ASTN1: variants seen among roughly 807,000 people sequenced by gnomAD.
ASTN1 encodes astrotactin 1, also known as astrotactin-1.
Under a neutral mutation model 140.7 loss-of-function variants are expected in ASTN1, and 41 were observed. The observed-to-expected ratio is 0.29, with a 90% confidence interval of 0.23 to 0.38. ASTN1 has a LOEUF of 0.38. Among genes scored for constraint, ASTN1 ranks in the 10% least tolerant of loss-of-function variants. ASTN1 has a pLI of 1.00. For synonymous variants in ASTN1, 640 were observed against 652.2 expected (o/e 0.98, Z 0.29); for missense variants, 1,479 against 1,678.8 (o/e 0.88, Z 2.08).
At chr1:177,121,085 T>A (rs912610343) in intron 1 of ASTN1, among the ~76,000 whole-genome samples, 2 of 149,802 alleles carry the variant, frequency 1.3e-5, no homozygotes, top group Admixed American at 1.3e-4. Flanking sequence ...TGGTGATACA[T>A]ATATATATAT....
chr1:176,958,130 T>G (rs1472320136), intron 10 of ASTN1, among the ~76,000 whole-genome samples: 1 of 152,160 alleles, frequency 6.6e-6, no homozygotes, highest in African/African-American at 2.4e-5. Context: ...AAACTCTAAT[T>G]TTATGTCTTC....
intron 16 of ASTN1, among the ~76,000 whole-genome samples, chr1:176,908,511 T>G (rs1670094797): frequency 6.6e-6 from 1 of 152,178 alleles, no homozygotes; most frequent in South Asian, 2.1e-4. Flanking sequence ...ACCCCTCAGC[T>G]GGCAAAGATG....
intron 8 of ASTN1, among the ~76,000 whole-genome samples, chr1:176,983,226 G>A (rs979608452): frequency 6.6e-5 from 10 of 152,130 alleles, no homozygotes; most frequent in Non-Finnish European, 1.5e-5. Flanking sequence ...GGATGAGGCT[G>A]GACAGGTTGG....
rs1177562680 is a variant in ASTN1, at chr1:176,949,332, G to C, written c.1907C>G (p.Pro636Arg). 1 of 1,613,838 alleles carries C rather than the reference G, an allele frequency of 6.2e-7. No homozygotes were observed. The highest frequency in any genetic ancestry group is 8.5e-7 in the Non-Finnish European group (1 of 1,180,006). Residue 636 changes from proline to arginine, a missense_variant, in exon 12 of 23, where the codon CCC becomes CGC. By Grantham distance (103) the Pro-to-Arg change is moderately radical. Around this residue, in one of 3 missense-constraint regions of ASTN1, gnomAD observed 729 missense variants for 860.4 expected, o/e 0.85. Transcript: ENST00000361833. The part of the protein sequence containing the change: ...TGCVCPSGLS[P>R]MKDSSGCYDR... ...ATAGCAGCCAGAGCTGTCCTTCATG[G>C]GACTGAGTCCAGATGGGCACTGGCA... is the stretch of plus-strand genomic sequence containing the variant.
Position 177,020,361 on chromosome 1 carries a change from C to A in ASTN1, c.1438+3043G>T, listed in dbSNP as rs146867597. ...AGCTATGTTGCCTTCTGGAGGCACC[C>A]GGGAGAATCTATTTTCTGTGTTCTT... On this transcript the variant is annotated intron_variant, in intron 7 of 22. Transcript: ENST00000361833. Among the ~76,000 whole-genome samples the A allele has an allele frequency of 2.7e-3, 405 of 152,252 alleles. 1 individual carries two copies. Among genetic ancestry groups the A allele is most frequent in the African/African-American group, 9.5e-3 (396 of 41,524 alleles).
intron 8 of ASTN1, among the ~76,000 whole-genome samples, chr1:176,977,679 T>C (rs1238964513): frequency 1.3e-5 from 2 of 152,234 alleles, no homozygotes; most frequent in South Asian, 4.1e-4. Flanking sequence ...TAAGACCCTC[T>C]GAGGCACAGC....
intron 1 of ASTN1, among the ~76,000 whole-genome samples, chr1:177,127,608 C>G (rs925098484): frequency 2.6e-5 from 4 of 152,196 alleles, no homozygotes; most frequent in African/African-American, 7.2e-5. Context: ...TGCTTCACCT[C>G]TGTCCTTCAA....
At chr1:176,951,243 A>T (rs1050986662) in intron 11 of ASTN1, among the ~76,000 whole-genome samples, 4 of 152,218 alleles carry the variant, frequency 2.6e-5, no homozygotes, top group Non-Finnish European at 4.4e-5. Flanking sequence ...GAGGCAGCTG[A>T]GGATTGCCCC....
At chr1:176,876,688 T>C (rs1391816814) in intron 20 of ASTN1, 51 bp from the exon 21 acceptor site, 2 of 1,568,858 alleles carry the variant, frequency 1.3e-6, no homozygotes, top group Admixed American at 3.5e-5. Context: ...GGCTGGAGGC[T>C]AGATCTCTGT....
At chr1:177,144,088 G>A (rs1329562498) in intron 1 of ASTN1, among the ~76,000 whole-genome samples, 1 of 151,710 alleles carries the variant, frequency 6.6e-6, no homozygotes, top group Admixed American at 6.6e-5. Context: ...TGGAAATAAT[G>A]GCTATTACAT....
intron 8 of ASTN1, among the ~76,000 whole-genome samples, chr1:176,994,181 C>T (rs1025599075): frequency 2.7e-5 from 4 of 145,946 alleles, no homozygotes; most frequent in African/African-American, 1.0e-4. Flanking sequence ...TCCTCCCTAA[C>T]CTTCACTTTC....
intron 16 of ASTN1, among the ~76,000 whole-genome samples, chr1:176,919,649 A>G (rs2205888): frequency 0.28 from 42,811 of 152,080 alleles, 6,066 homozygotes; most frequent in African/African-American, 0.32. Context: ...TAAGGGAAGA[A>G]GTAAAACAGA....
At chr1:176,990,720 T>C (rs775497554) in intron 8 of ASTN1, among the ~76,000 whole-genome samples, 3 of 152,028 alleles carry the variant, frequency 2.0e-5, no homozygotes, top group Non-Finnish European at 2.9e-5. Flanking sequence ...TCCCCCCAGA[T>C]ATTTCCCAGG....
chr1:176,858,046 G>A (rs770017351), downstream of ASTN1, among the ~76,000 whole-genome samples: 2 of 152,094 alleles, frequency 1.3e-5, no homozygotes, highest in African/African-American at 4.8e-5. Flanking sequence ...TTCTCCCACT[G>A]AGAAAGATAG....
intron 8 of ASTN1, among the ~76,000 whole-genome samples, chr1:177,005,902 C>G (rs1337672708): frequency 6.6e-6 from 1 of 152,154 alleles, no homozygotes; most frequent in Non-Finnish European, 1.5e-5. Flanking sequence ...AGCCACCGTG[C>G]CCTGCCTAAT....
chr1:177,032,566 T>C lies in ASTN1; in HGVS notation c.755A>G (p.His252Arg), dbSNP rs1390343102. ...YEYDITDLRHHLQRECMNGGE... is the reference protein window; with the variant it reads ...YEYDITDLRHRLQRECMNGGE... ...TCCGTTCATGCACTCCCTCTGCAGA[T>C]GGTGGCGCAGATCAGTGATGTCATA... The change falls in exon 3 of 23, where the codon CAT becomes CGT. Residue 252 changes from histidine to arginine, a missense_variant. This residue lies in a region of ASTN1 where 729 missense variants were observed against 860.4 expected (regional missense o/e 0.85). Transcript: ENST00000361833. 2 of 1,614,136 alleles carry C rather than the reference T, an allele frequency of 1.2e-6. No homozygotes were observed. The highest frequency in any genetic ancestry group is 1.1e-5 in the South Asian group (1 of 91,076).
At chr1:176,924,723 A>T in intron 16 of ASTN1, among the ~76,000 whole-genome samples, 1 of 152,224 alleles carries the variant, frequency 6.6e-6, no homozygotes, top group East Asian at 1.9e-4. Flanking sequence ...GTAGTTGGGA[A>T]TAGTCCAGAA....
At chr1:176,935,157 C>T (rs945128323) in intron 15 of ASTN1, among the ~76,000 whole-genome samples, 1 of 152,170 alleles carries the variant, frequency 6.6e-6, no homozygotes, top group Non-Finnish European at 1.5e-5. Flanking sequence ...TAGCTTTTCA[C>T]GGTCTCCTTT....
Position 177,022,807 on chromosome 1 carries a change from C to T in ASTN1, c.1438+597G>A, listed in dbSNP as rs142135536. On this transcript the variant is annotated intron_variant, in intron 7 of 22. Coordinates refer to ENST00000361833, the MANE Select transcript of ASTN1 (RefSeq NM_004319.3). ...AATGAGCTATGATATAGACATACAACGGAATACCAAATGGCCATTAAAATT... is the reference window on the plus strand; with the variant it reads ...AATGAGCTATGATATAGACATACAATGGAATACCAAATGGCCATTAAAATT... Among the ~76,000 whole-genome samples the T allele has an allele frequency of 3.5e-3, 534 of 152,182 alleles. 4 individuals are homozygous for T. The highest frequency in any genetic ancestry group is 0.012 in the African/African-American group (501 of 41,512).
Sources: allele counts gnomAD v4.1 joint callset (sites outside exome capture counted in the v4.1 genomes callset), GRCh38; gene constraint gnomAD v4.1.1; regional missense constraint gnomAD v4.1.1; transcripts MANE v1.5; gene names NCBI Gene and HGNC (gene_info 2026-07-23, HGNC 2026-07-21).